TKT: variants seen among roughly 807,000 people sequenced by gnomAD.
TKT encodes epididymis luminal protein 107.
Under a neutral mutation model 63.9 loss-of-function variants are expected in TKT, and 47 were observed. The observed-to-expected ratio is 0.74, with a 90% CI of 0.58 to 0.94. TKT has a LOEUF of 0.94. Ranked by LOEUF, TKT falls within the 40% of genes least tolerant of loss-of-function variation. The pLI is 0.00. For synonymous variants in TKT, 338 were observed against 334.1 expected, an observed-to-expected ratio of 1.01 and a Z score of -0.13; for missense variants, 721 against 846.2, an observed-to-expected ratio of 0.85 and a Z score of 1.84.
chr3:53,232,486 C>T, intron 6 of TKT: 1 of 398,876 alleles, frequency 2.5e-6, no homozygotes, highest in Non-Finnish European at 4.4e-6. Context: ...GGGATCAGCC[C>T]CCCTCGTGCC....
intron 5 of TKT, 104 bp downstream of exon 5, chr3:53,234,879 G>A: frequency 8.3e-7 from 1 of 1,206,674 alleles, no homozygotes; most frequent in Non-Finnish European, 1.1e-6. Context: ...TTTAGATGGT[G>A]CTTAAGGTCC....
chr3:53,236,525 C>T (rs1705041488), intron 4 of TKT, among the ~76,000 whole-genome samples: 1 of 152,212 alleles, frequency 6.6e-6, no homozygotes, highest in Non-Finnish European at 1.5e-5. Context: ...AGCCTTGCCT[C>T]CTCTTTCCCC....
intron 6 of TKT, chr3:53,232,681 C>G (rs1398277894): frequency 2.5e-6 from 1 of 398,110 alleles, no homozygotes; most frequent in Non-Finnish European, 4.4e-6. Context: ...CCCCAAGGCT[C>G]TTGGCCCACA....
intron 6 of TKT, chr3:53,231,870 T>TTCTC (rs1212483474): frequency 5.0e-5 from 18 of 363,160 alleles, no homozygotes; most frequent in Middle Eastern, 1.5e-3. Flanking sequence ...AATGTGTCCA[T>TTCTC]TCTCTTCCTC....
intron 1 of TKT, among the ~76,000 whole-genome samples, chr3:53,245,099 T>A (rs2106714758): frequency 6.8e-6 from 1 of 146,876 alleles, no homozygotes. Flanking sequence ...AGGTCAGGAG[T>A]TTAAGACCAG....
At chr3:53,242,017 G>A in intron 2 of TKT, 108 bp downstream of exon 2, 2 of 1,004,410 alleles carry the variant, frequency 2.0e-6, no homozygotes, top group Non-Finnish European at 3.1e-6. Context: ...AGGCACCTGG[G>A]AGAGGTGGGC....
In TKT at chr3:53,255,850, A is replaced by G. The variant is rs138961298; in HGVS notation, c.93T>C (p.Thr31=). ...RLRISSIQAT[T]AAGSGHPTSC... is the part of the protein sequence containing the mutation. ...CGCGCACTCACCCAGAGCCCGCCGCAGTGGTGGCCTGGATGGAGCTGATAC... is the reference window on the plus strand; with the variant it reads ...CGCGCACTCACCCAGAGCCCGCCGCGGTGGTGGCCTGGATGGAGCTGATAC... Residue 31 remains threonine (T), a synonymous_variant, in exon 1 of 14, where the codon ACT becomes ACC. Coordinates refer to ENST00000462138, the MANE Select transcript of TKT (RefSeq NM_001064.4). 1.0e-5 allele frequency: 16 copies of G among 1,532,056 alleles called. No homozygotes were observed. Among genetic ancestry groups the G allele is most frequent in the Non-Finnish European group, 1.4e-5 (16 of 1,139,240 alleles). 94.9% of individuals were successfully genotyped at this position (1,532,056 alleles called of 1,614,324 possible).
rs782227877 is a variant in TKT, at chr3:53,230,493, G to A, written c.1071C>T (p.Asp357=). The A allele has an allele frequency of 6.2e-6, 10 of 1,614,080 alleles. No individual in the cohort carries two copies. Among genetic ancestry groups the A allele is most frequent in the Non-Finnish European group, 8.5e-6 (10 of 1,180,034 alleles). The change falls in exon 8 of 14, where the codon GAC becomes GAT. Residue 357 remains aspartate (D), a synonymous_variant. Coordinates refer to ENST00000462138, the MANE Select transcript of TKT (RefSeq NM_001064.4). ...CAGCAATGTAGCACTCGATGAAGCG[G>A]TCCGGGTGCTCCTTTTTGAAGATCT... is the stretch of plus-strand genomic sequence containing the variant. ...FSEIFKKEHP[D]RFIECYIAEQ...
intron 1 of TKT, among the ~76,000 whole-genome samples, chr3:53,248,922 C>T (rs782088068): frequency 3.9e-5 from 6 of 152,004 alleles, no homozygotes; most frequent in Admixed American, 6.6e-5. Flanking sequence ...TGTTATGATA[C>T]GCCAATTATA....
At chr3:53,232,489 C>A (rs1375076589) in intron 6 of TKT, 34 of 398,774 alleles carry the variant, frequency 8.5e-5, no homozygotes, top group Non-Finnish European at 1.1e-4. Context: ...ATCAGCCCCC[C>A]TCGTGCCATA....
At chr3:53,229,218 C>G (rs1272392526) in intron 9 of TKT, 62 bp downstream of exon 9, 1 of 1,613,004 alleles carries the variant, frequency 6.2e-7, no homozygotes, top group African/African-American at 1.3e-5. Context: ...CCATCCCCCT[C>G]CCATACCTCC....
rs1316506120 is a variant in TKT, at chr3:53,228,262, T to C, written c.1479+14A>G. ...GGCAGCTCTGTGGGCTCCTGGGGCA[T>C]GCGAGGCACTGACCTTGGCTTGTCC... On this transcript the variant is annotated intron_variant, in intron 11 of 13. Transcript: ENST00000462138. 6.2e-6 allele frequency: 10 copies of C among 1,614,056 alleles called. No homozygotes were observed. The East Asian group carries it at 1.6e-4, about 25-fold the overall frequency.
At chr3:53,253,487 T>C (rs1463951361) in intron 1 of TKT, among the ~76,000 whole-genome samples, 1 of 152,142 alleles carries the variant, frequency 6.6e-6, no homozygotes, top group Non-Finnish European at 1.5e-5. Flanking sequence ...AAAAAAATGT[T>C]TGGCCGGGGG....
intron 6 of TKT, chr3:53,231,850 T>A: frequency 2.4e-6 from 1 of 417,822 alleles, no homozygotes; most frequent in Non-Finnish European, 4.3e-6. Flanking sequence ...CACTGCCCCA[T>A]CCCTTCACCA....
chr3:53,243,489 C>T, intron 1 of TKT: 1 of 439,992 alleles, frequency 2.3e-6, no homozygotes, highest in South Asian at 1.6e-5. Context: ...GTGAGTCACG[C>T]TCAGTGCAGA....
In TKT at chr3:53,228,317, T is replaced by G; in HGVS notation, c.1438A>C (p.Ile480Leu). Reference sequence around the variant, plus strand: ...TGGAAGTCCTCATTGTTGTTATAGATGATGGCATTTTCTGGGCGGCTGGTC... The same window carrying G: ...TGGAAGTCCTCATTGTTGTTATAGAGGATGGCATTTTCTGGGCGGCTGGTC... ...IRTSRPENAI[I>L]YNNNEDFQVG... is the part of the protein sequence containing the mutation. Residue 480 changes from isoleucine (I) to leucine (L), a missense_variant, in exon 11 of 14, where the codon ATC (isoleucine) becomes CTC (leucine). By Grantham distance (5) the Ile-to-Leu change is conservative (BLOSUM62 2). Coordinates refer to ENST00000462138, the MANE Select transcript of TKT (RefSeq NM_001064.4). 6.2e-7 allele frequency: 1 copy of G among 1,614,178 alleles called. No homozygotes were observed. Among genetic ancestry groups the G allele is most frequent in the Non-Finnish European group, 8.5e-7 (1 of 1,180,014 alleles).
At chr3:53,229,504 C>T in intron 8 of TKT, 68 bp from the exon 9 acceptor site, 2 of 1,517,566 alleles carry the variant, frequency 1.3e-6, no homozygotes, top group South Asian at 1.2e-5. Flanking sequence ...CCTAGGACCC[C>T]TTTTGTGGAG....
At chr3:53,241,061 C>A (rs189344302) in intron 3 of TKT, 71 bp downstream of exon 3, 2 of 1,352,322 alleles carry the variant, frequency 1.5e-6, no homozygotes, top group Non-Finnish European at 2.0e-6. Flanking sequence ...GCACCCCCTA[C>A]CCCCGTCCCA....
intron 5 of TKT, chr3:53,234,602 C>T (rs1019068705): frequency 1.5e-4 from 24 of 161,128 alleles, no homozygotes; most frequent in Admixed American, 1.9e-4. Flanking sequence ...GGGCACAGGA[C>T]GTGGCCACCA....
Sources: allele counts gnomAD v4.1 joint callset (sites outside exome capture counted in the v4.1 genomes callset), GRCh38; gene constraint gnomAD v4.1.1; transcripts MANE v1.5; gene names NCBI Gene and HGNC (gene_info 2026-07-23, HGNC 2026-07-21).